The following GNA14 variants were observed in gnomAD, a reference collection of about 807,000 sequenced individuals.
GNA14 encodes guanine nucleotide-binding protein subunit alpha-14.
In GNA14, 50 loss-of-function variants were observed where a neutral mutation model predicts 42.0. The ratio of observed to expected loss-of-function variants is 1.19; its 90% CI spans 0.95 to 1.51. GNA14 has a LOEUF of 1.51. Ranked by LOEUF, GNA14 falls within the 40% of genes most tolerant of loss-of-function variation. The pLI is 0.00. For synonymous variants in GNA14, 173 were observed against 163.1 expected (o/e 1.06, Z -0.46); for missense variants, 473 against 446.2 (o/e 1.06, Z -0.54).
In GNA14 at chr9:77,529,224, T is replaced by C; in HGVS notation, c.154A>G (p.Ile52Val). The change falls in exon 2 of 7, where the codon ATC becomes GTC. Residue 52 changes from isoleucine (I) to valine (V), a missense_variant. By Grantham distance (29) the Ile-to-Val change is conservative (BLOSUM62 3). Transcript: ENST00000341700. ...GTGESGKSTF[I>V]KQMRIIHGSG... is the part of the protein sequence containing the mutation. ...CCATGGATAATTCTCATCTGCTTGA[T>C]AAAGGTGCTTTTCCCACTTTCACCA... is the stretch of plus-strand genomic sequence containing the variant. 1.2e-6 allele frequency: 2 copies of C among 1,614,078 alleles called. No individual in the cohort carries two copies. Among genetic ancestry groups the C allele is most frequent in the Non-Finnish European group, 1.7e-6 (2 of 1,179,968 alleles).
chr9:77,571,626 C>A (rs976246555), intron 1 of GNA14, among the ~76,000 whole-genome samples: 2 of 151,954 alleles, frequency 1.3e-5, no homozygotes, highest in Non-Finnish European at 2.9e-5. Flanking sequence ...CATGGAGAAA[C>A]CCTGTCTCTA....
At chr9:77,430,346 G>T (rs1170830194) in intron 4 of GNA14, among the ~76,000 whole-genome samples, 1 of 152,138 alleles carries the variant, frequency 6.6e-6, no homozygotes, top group Non-Finnish European at 1.5e-5. Context: ...GTCCAAGAAG[G>T]ATAAACTTAG....
chr9:77,446,405 G>GT (rs1835818201), intron 2 of GNA14, among the ~76,000 whole-genome samples: 3 of 152,230 alleles, frequency 2.0e-5, no homozygotes, highest in Non-Finnish European at 4.4e-5. Context: ...AAGCCAGGAT[G>GT]GCCGCGGGTC....
At chr9:77,453,072 C>T (rs942035407) in intron 2 of GNA14, among the ~76,000 whole-genome samples, 4 of 152,088 alleles carry the variant, frequency 2.6e-5, no homozygotes, top group Non-Finnish European at 5.9e-5. Flanking sequence ...CCCAAGAGTT[C>T]GAGGTTACAG....
intron 1 of GNA14, among the ~76,000 whole-genome samples, chr9:77,585,789 T>C (rs1333249928): frequency 6.6e-6 from 1 of 152,232 alleles, no homozygotes; most frequent in Non-Finnish European, 1.5e-5. Context: ...AATGTTTTTA[T>C]TGGTGCTTGT....
intron 2 of GNA14, among the ~76,000 whole-genome samples, chr9:77,496,520 C>T (rs1320869206): frequency 6.6e-6 from 1 of 152,180 alleles, no homozygotes; most frequent in Non-Finnish European, 1.5e-5. Context: ...AGGGAGAGGG[C>T]TCTCCCATCT....
chr9:77,439,735 G>A (rs992872017), intron 2 of GNA14, among the ~76,000 whole-genome samples: 1 of 152,216 alleles, frequency 6.6e-6, no homozygotes, highest in African/African-American at 2.4e-5. Flanking sequence ...TGGGTACTTT[G>A]ATGGGCCTGT....
intron 2 of GNA14, among the ~76,000 whole-genome samples, chr9:77,498,593 A>G (rs149355289): frequency 1.2e-3 from 183 of 152,282 alleles, no homozygotes; most frequent in African/African-American, 4.1e-3. Flanking sequence ...CTAGTGCTCA[A>G]CATGATGCCT....
intron 2 of GNA14, among the ~76,000 whole-genome samples, chr9:77,515,591 G>A (rs1224405170): frequency 6.6e-6 from 1 of 152,144 alleles, no homozygotes; most frequent in African/African-American, 2.4e-5. Context: ...AAAGGTATTT[G>A]TTTGTTTGTT....
At chr9:77,606,989 C>G (rs1823653738) in intron 1 of GNA14, among the ~76,000 whole-genome samples, 1 of 152,100 alleles carries the variant, frequency 6.6e-6, no homozygotes, top group Admixed American at 6.6e-5. Context: ...GGGAGAGGGC[C>G]CTCACCAGAA....
chr9:77,615,322 G>A (rs556887727), intron 1 of GNA14, among the ~76,000 whole-genome samples: 15 of 152,104 alleles, frequency 9.9e-5, no homozygotes, highest in Admixed American at 2.6e-4. Context: ...GCCACTAAAG[G>A]TAAACCAATA....
intron 2 of GNA14, among the ~76,000 whole-genome samples, chr9:77,446,638 G>T (rs7042331): frequency 6.6e-5 from 10 of 152,264 alleles, no homozygotes; most frequent in Middle Eastern, 3.4e-3. Flanking sequence ...GAGAAGGGGT[G>T]GGGGGAGATG....
chr9:77,528,043 G>A (rs1465697268), intron 2 of GNA14, among the ~76,000 whole-genome samples: 1 of 152,196 alleles, frequency 6.6e-6, no homozygotes, highest in East Asian at 1.9e-4. Flanking sequence ...GACATAGATT[G>A]TAGAGATGAG....
chr9:77,628,258 A>G (rs1763615654), intron 1 of GNA14, among the ~76,000 whole-genome samples: 2 of 152,332 alleles, frequency 1.3e-5, no homozygotes, highest in Middle Eastern at 3.4e-3. Flanking sequence ...AAACAAATGG[A>G]AGGACATTTC....
intron 1 of GNA14, among the ~76,000 whole-genome samples, chr9:77,567,736 G>A (rs1250681717): frequency 1.3e-5 from 2 of 152,078 alleles, no homozygotes; most frequent in African/African-American, 2.4e-5. Flanking sequence ...GCGTGGTGGT[G>A]CACGCCTGTA....
At chr9:77,605,938 T>C (rs187348345) in intron 1 of GNA14, among the ~76,000 whole-genome samples, 1 of 152,300 alleles carries the variant, frequency 6.6e-6, no homozygotes, top group African/African-American at 2.4e-5. Flanking sequence ...TAAGAGACTA[T>C]CCATTGGCAG....
intron 2 of GNA14, chr9:77,517,454 CA>C (rs1169840792): frequency 6.6e-6 from 1 of 151,946 alleles, no homozygotes; most frequent in East Asian, 1.9e-4. Context: ...TATAAAGTGC[CA>C]AAAAAGAGGT....
intron 2 of GNA14, among the ~76,000 whole-genome samples, chr9:77,455,034 G>C (rs927698534): frequency 9.2e-5 from 14 of 152,168 alleles, no homozygotes; most frequent in African/African-American, 3.4e-4. Flanking sequence ...GTTTCTGTAG[G>C]TCGGAAGTCC....
chr9:77,433,621 C>T (rs529106731), intron 3 of GNA14, among the ~76,000 whole-genome samples: 11 of 152,206 alleles, frequency 7.2e-5, no homozygotes, highest in African/African-American at 1.7e-4. Context: ...CCTCTGCCTC[C>T]CAAGTCCCTG....
Sources: allele counts gnomAD v4.1 joint callset (sites outside exome capture counted in the v4.1 genomes callset), GRCh38; gene constraint gnomAD v4.1.1; transcripts MANE v1.5; gene names NCBI Gene and HGNC (gene_info 2026-07-23, HGNC 2026-07-21).